The following SMPD3 variants were observed in gnomAD, a reference collection of about 807,000 sequenced individuals.
SMPD3 encodes nSMase-2.
In SMPD3, 21 loss-of-function variants were observed where a neutral mutation model predicts 55.7. The observed-to-expected ratio is 0.38, with a 90% CI of 0.27 to 0.54. SMPD3 has a LOEUF of 0.54. Ranked by LOEUF, SMPD3 falls within the 20% of genes least tolerant of loss-of-function variation. The probability of loss-of-function intolerance (pLI) is 0.80; values close to 1 mark genes in which losing one functional copy is unlikely to be tolerated. For synonymous variants in SMPD3, 457 were observed against 404.3 expected, an observed-to-expected ratio of 1.13 and a Z score of -1.56; for missense variants, 842 against 899.6, an observed-to-expected ratio of 0.94 and a Z score of 0.82.
In SMPD3 at chr16:68,447,200, A is replaced by G. The variant is rs74454926; in HGVS notation, c.-269+1153T>C. Among the ~76,000 whole-genome samples the G allele has an allele frequency of 0.18, 27,864 of 152,068 alleles. 3,064 individuals are homozygous for G. Among genetic ancestry groups the G allele is most frequent in the South Asian group, 0.26 (1,256 of 4,824 alleles). On this transcript the variant is annotated intron_variant, in intron 1 of 8. Coordinates refer to ENST00000219334, the MANE Select transcript of SMPD3 (RefSeq NM_018667.4). This position sits in a 1 kb window ranked among gnomAD's most constrained non-coding sequence, Gnocchi z 5.1. ...GAGCGCGAAAGCCCCATGCCTTGGA[A>G]CAGCCACCGCGCGTCCTGGAAGCAG...
intron 1 of SMPD3, among the ~76,000 whole-genome samples, chr16:68,398,689 T>C (rs2090181350): frequency 6.6e-6 from 1 of 152,246 alleles, no homozygotes; most frequent in Non-Finnish European, 1.5e-5. Flanking sequence ...TGGTTTGCAT[T>C]AGTTACATTA....
intron 1 of SMPD3, among the ~76,000 whole-genome samples, chr16:68,391,144 G>A (rs1263788195): frequency 1.3e-5 from 2 of 152,178 alleles, no homozygotes; most frequent in African/African-American, 4.8e-5. Flanking sequence ...TCACATGAGG[G>A]AGTTGTCTTT....
chr16:68,392,835 G>GAAAAAA (rs60841057), intron 1 of SMPD3, among the ~76,000 whole-genome samples: 4,057 of 88,188 alleles, frequency 0.046, 283 homozygotes, highest in African/African-American at 0.079. Context: ...CGCTGTCTGG[G>GAAAAAA]AAAAAAAAAA....
At chr16:68,361,516 G>A (rs2089265110) in intron 8 of SMPD3, 87 bp downstream of exon 8, 8 of 1,554,926 alleles carry the variant, frequency 5.1e-6, no homozygotes, top group Non-Finnish European at 6.9e-6. Context: ...GGGGCGTGGG[G>A]TTTCAGGGAG....
chr16:68,405,220 C>G (rs1194124355), intron 1 of SMPD3, among the ~76,000 whole-genome samples: 1 of 152,088 alleles, frequency 6.6e-6, no homozygotes, highest in Non-Finnish European at 1.5e-5. Flanking sequence ...CCACACGGTT[C>G]CATGACTTTG....
At chr16:68,406,208 T>C (rs2090253725) in intron 1 of SMPD3, among the ~76,000 whole-genome samples, 1 of 152,212 alleles carries the variant, frequency 6.6e-6, no homozygotes, top group African/African-American at 2.4e-5. Flanking sequence ...ATATCACTAT[T>C]TGCCATTTAT....
intron 1 of SMPD3, among the ~76,000 whole-genome samples, chr16:68,437,206 G>A (rs2090529336): frequency 6.6e-6 from 1 of 152,246 alleles, no homozygotes; most frequent in Non-Finnish European, 1.5e-5. Flanking sequence ...AGTTGTGTGA[G>A]CAGGGCGTGA....
chr16:68,382,954 C>G (rs1403247834), intron 2 of SMPD3, among the ~76,000 whole-genome samples: 1 of 152,216 alleles, frequency 6.6e-6, no homozygotes, highest in African/African-American at 2.4e-5. Context: ...AAGCGATTCT[C>G]CTGCCTCGGC....
intron 1 of SMPD3, among the ~76,000 whole-genome samples, chr16:68,408,388 G>A (rs1266351723): frequency 6.6e-6 from 1 of 152,144 alleles, no homozygotes; most frequent in African/African-American, 2.4e-5. Context: ...CTGCCCATAT[G>A]GGTATTTAAT....
chr16:68,413,181 G>A (rs1313416112), intron 1 of SMPD3, among the ~76,000 whole-genome samples: 1 of 152,260 alleles, frequency 6.6e-6, no homozygotes, highest in African/African-American at 2.4e-5. Flanking sequence ...GTTTTCCAGG[G>A]TGGTGGTGAT....
chr16:68,397,850 C>T (rs2090172872), intron 1 of SMPD3, among the ~76,000 whole-genome samples: 1 of 152,174 alleles, frequency 6.6e-6, no homozygotes, highest in Non-Finnish European at 1.5e-5. Flanking sequence ...TACAGTGAGC[C>T]TCTATTGCTC....
At chr16:68,436,007 G>A (rs2090520568) in intron 1 of SMPD3, among the ~76,000 whole-genome samples, 1 of 152,206 alleles carries the variant, frequency 6.6e-6, no homozygotes, top group African/African-American at 2.4e-5. Flanking sequence ...CTGGAATCAA[G>A]TGGTAGCATC....
intron 2 of SMPD3, among the ~76,000 whole-genome samples, chr16:68,382,811 C>A (rs2089976362): frequency 6.6e-6 from 1 of 152,098 alleles, no homozygotes; most frequent in African/African-American, 2.4e-5. Context: ...CTTAGTTTGC[C>A]CCCAGTTAGT....
chr16:68,365,197 C>A, intron 3 of SMPD3, 105 bp from the exon 4 acceptor site: 1 of 1,135,258 alleles, frequency 8.8e-7, no homozygotes, highest in Non-Finnish European at 1.3e-6. Flanking sequence ...CCCTCACAAG[C>A]CTGGCTCCTG....
Position 68,372,351 on chromosome 16 carries a change from T to C in SMPD3, c.-170A>G. ...CGAATGTTGGCCAGCCGGTCATGGT[T>C]CACCTCGGTGGGCCATGCGGAGGCC... On this transcript the variant is annotated 5_prime_UTR_variant, in exon 3 of 9. Coordinates refer to ENST00000219334, the MANE Select transcript of SMPD3 (RefSeq NM_018667.4). The C allele has an allele frequency of 4.6e-6, 4 of 862,172 alleles. No individual in the cohort carries two copies. Among genetic ancestry groups the C allele is most frequent in the Non-Finnish European group, 7.2e-6 (4 of 556,414 alleles). The allele number at this position is 862,172 out of a possible 1,614,324, so 53.4% of individuals were successfully genotyped here.
In SMPD3 at chr16:68,377,072, G is replaced by T. The variant is rs552401954; in HGVS notation, c.-206-4685C>A. Among the ~76,000 whole-genome samples, 162 of 152,300 alleles carry T rather than the reference G, an allele frequency of 1.1e-3. 2 individuals are homozygous for T. The highest frequency in any genetic ancestry group is 3.2e-3 in the African/African-American group (132 of 41,572). On this transcript the variant is annotated intron_variant, in intron 2 of 8. Transcript: ENST00000219334. The stretch of plus-strand genomic sequence containing the variant: ...TGGTGTCCTGGGCACGGTTCTGGGG[G>T]TCACTGGAGCCCACCCACAGAAGTC...
rs2151984861 is a variant in SMPD3, at chr16:68,372,362, G to A, written c.-181C>T. ...CAGCCGGTCATGGTTCACCTCGGTG[G>A]GCCATGCGGAGGCCTACTGCAGACC... On this transcript the variant is annotated 5_prime_UTR_variant, in exon 3 of 9. Coordinates refer to ENST00000219334, the MANE Select transcript of SMPD3 (RefSeq NM_018667.4). The A allele has an allele frequency of 8.9e-6, 7 of 783,554 alleles. No individual in the cohort carries two copies. The highest frequency in any genetic ancestry group is 7.6e-5 in the Admixed American group (3 of 39,646). The allele number at this position is 783,554 out of a possible 1,614,324, so 48.5% of individuals were successfully genotyped here. A position where few individuals can be genotyped will look rare whatever the true frequency, so the allele number is the denominator to read the frequency against.
At chr16:68,443,209 C>T (rs929966886) in intron 1 of SMPD3, among the ~76,000 whole-genome samples, 2 of 152,206 alleles carry the variant, frequency 1.3e-5, no homozygotes, top group Non-Finnish European at 2.9e-5. Context: ...AAACCCCAAA[C>T]CTGCCCACCT....
intron 2 of SMPD3, among the ~76,000 whole-genome samples, chr16:68,380,385 G>A (rs1453560278): frequency 6.6e-6 from 1 of 152,260 alleles, no homozygotes; most frequent in Non-Finnish European, 1.5e-5. Context: ...AGGCAGCTCC[G>A]GGGCCGAACT....
Sources: allele counts gnomAD v4.1 joint callset (sites outside exome capture counted in the v4.1 genomes callset), GRCh38; gene constraint gnomAD v4.1.1; non-coding constraint Gnocchi (gnomAD v3.1); transcripts MANE v1.5; gene names NCBI Gene and HGNC (gene_info 2026-07-23, HGNC 2026-07-21).